The following ENKUR variants were observed in gnomAD, a reference collection of about 807,000 sequenced individuals.
ENKUR encodes enkurin.
Under a neutral mutation model 27.6 loss-of-function variants are expected in ENKUR, and 19 were observed. The ratio of observed to expected loss-of-function variants is 0.69; its 90% CI spans 0.48 to 1.01. ENKUR has a LOEUF of 1.01. ENKUR is among the 50% of genes least tolerant of loss of function. The pLI, the probability that ENKUR is intolerant of heterozygous loss-of-function variation, is 0.00. For missense variants in ENKUR, 312 were observed against 310.5 expected (o/e 1.00, Z -0.04); for synonymous variants, 117 against 96.9 (o/e 1.21, Z -1.22).
At chr10:25,058,736 G>C (rs929720012) in intron 2 of ENKUR, among the ~76,000 whole-genome samples, 4 of 151,900 alleles carry the variant, frequency 2.6e-5, no homozygotes, top group Admixed American at 2.0e-4. Context: ...TTCGAGACCA[G>C]CCTGGCCAAC....
chr10:24,984,747 A>G lies in ENKUR; in HGVS notation c.753T>C (p.Tyr251=), dbSNP rs1164946211. The G allele has an allele frequency of 5.6e-6, 9 of 1,608,486 alleles. No homozygotes were observed. Among genetic ancestry groups the G allele is most frequent in the Non-Finnish European group, 7.6e-6 (9 of 1,178,816 alleles). Residue 251 remains tyrosine (Y), a synonymous_variant, in exon 5 of 6, where the codon TAT becomes TAC. Transcript: ENST00000331161. ...IGIIEKHKII[Y]IANNA is the part of the protein sequence containing the mutation. Reference sequence around the variant, plus strand: ...AGATCCATTCTTACTTATTGGCAATATAAATAATCTTGTGCTTTTCAATTA... The same window carrying G: ...AGATCCATTCTTACTTATTGGCAATGTAAATAATCTTGTGCTTTTCAATTA...
Position 25,023,158 on chromosome 10 carries a change from G to T in ENKUR, c.38-27289C>A. 9 of 1,478,904 alleles carry T rather than the reference G, an allele frequency of 6.1e-6. No individual in the cohort carries two copies. In the Admixed American group the frequency reaches 1.4e-4, roughly 22 times the overall value. The allele number at this position is 1,478,904 out of a possible 1,614,324, so 91.6% of individuals were successfully genotyped here. A position where few individuals can be genotyped will look rare whatever the true frequency, so the allele number is the denominator to read the frequency against. On this transcript the variant is annotated intron_variant, in intron 2 of 5. Coordinates refer to the ENKUR transcript ENST00000615958. ...AATTATCTTTTGTTGTTTTTTGTTT[G>T]TTTTGTGTTTTGAAAAGGGCTAAAG...
intron 2 of ENKUR, among the ~76,000 whole-genome samples, chr10:25,050,540 C>T (rs1362536447): frequency 6.6e-6 from 1 of 152,156 alleles, no homozygotes; most frequent in Non-Finnish European, 1.5e-5. Context: ...ATGAGAAAGA[C>T]CTGGCTCCAT....
At chr10:25,000,325 G>T (rs1242057085) in intron 1 of ENKUR, among the ~76,000 whole-genome samples, 1 of 152,128 alleles carries the variant, frequency 6.6e-6, no homozygotes, top group Admixed American at 6.5e-5. Flanking sequence ...TTCTATAAAT[G>T]ACAACTAGGT....
At chr10:25,054,514 C>CT (rs1564358719) in intron 2 of ENKUR, among the ~76,000 whole-genome samples, 11 of 26,520 alleles carry the variant, frequency 4.1e-4, no homozygotes, top group African/African-American at 1.3e-3. Flanking sequence ...TCTTTCTTTC[C>CT]TTTCTTTCTT....
intron 2 of ENKUR, among the ~76,000 whole-genome samples, chr10:24,999,054 G>A (rs2132694643): frequency 6.6e-6 from 1 of 152,282 alleles, no homozygotes; most frequent in South Asian, 2.1e-4. Context: ...GGGTTTAGAT[G>A]CTGGGCAATC....
chr10:25,020,181 G>A (rs1006720156), upstream of ENKUR, among the ~76,000 whole-genome samples: 2 of 151,702 alleles, frequency 1.3e-5, no homozygotes, highest in African/African-American at 2.4e-5. Context: ...GAACATGTTT[G>A]TGGGAAATAA....
intron 1 of ENKUR, among the ~76,000 whole-genome samples, chr10:25,005,783 T>G (rs749104368): frequency 3.3e-5 from 5 of 152,342 alleles, no homozygotes; most frequent in Admixed American, 6.5e-5. Context: ...CTGCACTTAC[T>G]TGACAACACA....
At chr10:25,000,241 A>G (rs1176885136) in intron 1 of ENKUR, among the ~76,000 whole-genome samples, 3 of 152,148 alleles carry the variant, frequency 2.0e-5, no homozygotes, top group Admixed American at 2.0e-4. Context: ...TATGGCACAA[A>G]GTATGTTCTA....
At chr10:25,022,030 A>G (rs1355745352) in intron 2 of ENKUR, 2 of 152,166 alleles carry the variant, frequency 1.3e-5, no homozygotes, top group Non-Finnish European at 2.9e-5. Flanking sequence ...TTAACATATG[A>G]TCTAGTATTT....
At chr10:25,009,019 C>T (rs1850378978) in intron 1 of ENKUR, among the ~76,000 whole-genome samples, 1 of 152,126 alleles carries the variant, frequency 6.6e-6, no homozygotes, top group Non-Finnish European at 1.5e-5. Flanking sequence ...AAAAACCAAA[C>T]ACCGCATGTT....
chr10:25,017,117 C>T (rs1161061748), upstream of ENKUR, among the ~76,000 whole-genome samples: 4 of 152,212 alleles, frequency 2.6e-5, no homozygotes, highest in African/African-American at 7.2e-5. Flanking sequence ...CTAGGTCGTT[C>T]TCCAGGAACC....
Position 25,002,767 on chromosome 10 carries a change from C to A in ENKUR, c.78-3221G>T, listed in dbSNP as rs74122925. 8.8e-3 allele frequency among the ~76,000 whole-genome samples: 1,332 copies of A among 152,192 alleles called. 19 individuals are homozygous for A. The highest frequency in any genetic ancestry group is 0.03 in the African/African-American group (1,245 of 41,526). ...TTAGGAGCCTTGCCTCAATCCTGAA[C>A]TTAAAGGCTGGGAATCAATTATAGT... On this transcript the variant is annotated intron_variant, in intron 1 of 5. Transcript: ENST00000331161.
chr10:25,008,669 C>A (rs950609), intron 1 of ENKUR, among the ~76,000 whole-genome samples: 68,705 of 151,978 alleles, frequency 0.45, 16,736 homozygotes, highest in African/African-American at 0.65. Context: ...GTGGGACTGT[C>A]AACTAGTTCA....
intron 1 of ENKUR, among the ~76,000 whole-genome samples, chr10:25,001,585 C>T (rs1850190586): frequency 6.6e-6 from 1 of 151,858 alleles, no homozygotes; most frequent in Admixed American, 6.6e-5. Flanking sequence ...TTTCATTTTG[C>T]ATTGTTCTAT....
chr10:25,025,160 C>T, intron 2 of ENKUR: 1 of 1,614,156 alleles, frequency 6.2e-7, no homozygotes, highest in Admixed American at 1.7e-5. Context: ...ACTGCTGTTG[C>T]AAAAGTGGTT....
intron 3 of ENKUR, among the ~76,000 whole-genome samples, chr10:24,992,694 C>G (rs565184339): frequency 6.6e-6 from 1 of 152,180 alleles, no homozygotes; most frequent in Non-Finnish European, 1.5e-5. Context: ...AACAATAACA[C>G]TTTGTTGCTT....
intron 4 of ENKUR, among the ~76,000 whole-genome samples, chr10:24,987,643 G>C (rs925308053): frequency 6.6e-6 from 1 of 152,104 alleles, no homozygotes; most frequent in African/African-American, 2.4e-5. Flanking sequence ...AGCTGAGTGT[G>C]CCTTCGATTT....
intron 1 of ENKUR, among the ~76,000 whole-genome samples, chr10:25,008,313 T>A (rs1850361434): frequency 6.6e-6 from 1 of 152,188 alleles, no homozygotes; most frequent in Non-Finnish European, 1.5e-5. Context: ...GGGTTACTGT[T>A]TTCCTTGATT....
Sources: gnomAD v4.1 joint callset for allele counts (sites outside exome capture counted in the v4.1 genomes callset) on GRCh38, gnomAD v4.1.1 for gene constraint, MANE v1.5 for transcripts, NCBI Gene and HGNC (gene_info 2026-07-23, HGNC 2026-07-21) for gene names.